Variants in SENP8 observed in about 807,000 individuals in gnomAD.
SENP8 encodes SUMO peptidase family member, NEDD8 specific.
A neutral mutation model predicts 14.4 loss-of-function variants in SENP8; 10 were observed. The ratio of observed to expected loss-of-function variants is 0.69; its 90% confidence interval spans 0.43 to 1.18. SENP8 has a LOEUF of 1.18. Ranked by LOEUF, SENP8 falls within the 50% of genes most tolerant of loss-of-function variation. SENP8 has a pLI of 0.00. For synonymous variants in SENP8, 94 were observed against 95.5 expected (o/e 0.98, Z 0.09); for missense variants, 202 against 249.4 (o/e 0.81, Z 1.28).
At chr15:72,126,831 T>G (rs548446009) in intron 1 of SENP8, among the ~76,000 whole-genome samples, 1 of 152,316 alleles carries the variant, frequency 6.6e-6, no homozygotes, top group South Asian at 2.1e-4. Flanking sequence ...TATTTAAAAT[T>G]TCTAATCTAC....
intron 1 of SENP8, among the ~76,000 whole-genome samples, chr15:72,133,476 A>T (rs1028448529): frequency 1.3e-5 from 2 of 152,224 alleles, no homozygotes; most frequent in Non-Finnish European, 2.9e-5. Context: ...TTCCACATGC[A>T]TCCAGCTCCA....
chr15:72,124,847 T>C (rs577921340), intron 1 of SENP8, among the ~76,000 whole-genome samples: 1 of 152,300 alleles, frequency 6.6e-6, no homozygotes, highest in Admixed American at 6.5e-5. Context: ...ATTAATCCTA[T>C]TTCTTAAAAT....
chr15:72,135,862 T>C (rs374335212), intron 1 of SENP8, among the ~76,000 whole-genome samples: 8 of 152,204 alleles, frequency 5.3e-5, no homozygotes, highest in African/African-American at 1.9e-4. Flanking sequence ...CCTAGTTGGG[T>C]TGGTGTTGAA....
rs748867672 is a variant in SENP8, at chr15:72,140,008, G to T, written c.385G>T (p.Ala129Ser). The T allele has an allele frequency of 2.5e-6, 4 of 1,614,042 alleles. No individual in the cohort carries two copies. The highest frequency in any genetic ancestry group is 1.3e-5 in the African/African-American group (1 of 74,912). ...CCATAGCAGGAGCAACTCAGTTCAC[G>T]CAAAGCAGGTAGCAGAGAAACTGGA... ...DSHSRSNSVH[A>S]KQVAEKLEAF... is the part of the protein sequence containing the mutation. Residue 129 changes from alanine (A) to serine (S), a missense_variant, in exon 2 of 2, where the codon GCA becomes TCA. Physicochemically the swap from Ala to Ser is moderately conservative, Grantham distance 99. Transcript: ENST00000340912.
chr15:72,116,394 G>A (rs1380880443), upstream of SENP8, among the ~76,000 whole-genome samples: 1 of 151,944 alleles, frequency 6.6e-6, no homozygotes, highest in African/African-American at 2.4e-5. Context: ...TTTCTTTCTT[G>A]ACAACTCAGG....
rs546943788 is a variant in SENP8 at position 72,127,933 on chromosome 15, A to T, written c.-48+9469A>T. ...GTGAGACCCTGCCTCTATAAAAAAAAATATTAATTAGCCAGACATGGTGGT... is the reference window on the plus strand; with the variant it reads ...GTGAGACCCTGCCTCTATAAAAAAATATATTAATTAGCCAGACATGGTGGT... On this transcript the variant is annotated intron_variant, in intron 1 of 1. Transcript: ENST00000340912. Among the ~76,000 whole-genome samples the T allele has an allele frequency of 4.6e-5, 7 of 152,294 alleles. No individual in the cohort carries two copies. The East Asian group carries it at 1.2e-3, about 25-fold the overall frequency.
At chr15:72,125,885 G>A (rs1325113188) in intron 1 of SENP8, among the ~76,000 whole-genome samples, 4 of 151,830 alleles carry the variant, frequency 2.6e-5, no homozygotes, top group Admixed American at 1.3e-4. Context: ...GTGCAGTGGG[G>A]TGATCTCGGC....
At chr15:72,117,270 A>T (rs1295092898), upstream of SENP8, 1 of 152,438 alleles carries the variant, frequency 6.6e-6, no homozygotes, top group Non-Finnish European at 1.5e-5. Flanking sequence ...TAAGAAGAGT[A>T]GGGCGAGGGG....
chr15:72,132,331 GA>G (rs2081280918), intron 1 of SENP8, among the ~76,000 whole-genome samples: 1 of 151,806 alleles, frequency 6.6e-6, no homozygotes, highest in Non-Finnish European at 1.5e-5. Flanking sequence ...AACAATAAAG[GA>G]TAACAGGCAA....
chr15:72,126,640 T>C (rs796169414), intron 1 of SENP8, among the ~76,000 whole-genome samples: 14 of 152,092 alleles, frequency 9.2e-5, no homozygotes, highest in African/African-American at 3.1e-4. Context: ...ATAGGAAAAT[T>C]TCCGTCACAA....
intron 1 of SENP8, chr15:72,134,511 T>G (rs1445876579): frequency 6.6e-6 from 1 of 152,572 alleles, no homozygotes; most frequent in East Asian, 1.9e-4. Flanking sequence ...CCTAGGAGTT[T>G]GAGGCTGCTC....
In SENP8 at chr15:72,139,811, A is replaced by C; in HGVS notation, c.188A>C (p.Lys63Thr). 6.2e-7 allele frequency: 1 copy of C among 1,614,204 alleles called. No individual in the cohort carries two copies. Among genetic ancestry groups the C allele is most frequent in the Non-Finnish European group, 8.5e-7 (1 of 1,180,018 alleles). Residue 63 changes from lysine to threonine, a missense_variant, in exon 2 of 2, where the codon AAG becomes ACG. Physicochemically the swap from Lys to Thr is moderately conservative, Grantham distance 78. Coordinates refer to ENST00000340912, the MANE Select transcript of SENP8 (RefSeq NM_145204.4). ...FISPEVTQFIKCTSNPAEIAM... is the reference protein window; with the variant it reads ...FISPEVTQFITCTSNPAEIAM... ...AGCCCTGAAGTCACCCAGTTCATCA[A>C]GTGCACTAGCAACCCAGCAGAGATT... is the stretch of plus-strand genomic sequence containing the variant.
chr15:72,138,655 G>T (rs1257914133), intron 1 of SENP8, among the ~76,000 whole-genome samples: 1 of 151,142 alleles, frequency 6.6e-6, no homozygotes, highest in Non-Finnish European at 1.5e-5. Context: ...CAGCCTAGGT[G>T]TAGGATTTGA....
In SENP8 at chr15:72,140,363, A is replaced by G; in HGVS notation, c.*101A>G. 2 of 803,246 alleles carry G rather than the reference A, an allele frequency of 2.5e-6. No individual in the cohort carries two copies. The highest frequency in any genetic ancestry group is 3.4e-5 in the South Asian group (2 of 58,404). 49.8% of individuals were successfully genotyped at this position (803,246 alleles called of 1,614,324 possible). On this transcript the variant is annotated 3_prime_UTR_variant, in exon 2 of 2. Transcript: ENST00000340912. ...GTGCCTGAGGGAAGATGCCTAGTAG[A>G]GGAAAGCTTAATACTCTTTTTCCTG...
At chr15:72,116,226 C>A (rs556275174), upstream of SENP8, among the ~76,000 whole-genome samples, 4 of 152,270 alleles carry the variant, frequency 2.6e-5, no homozygotes, top group Non-Finnish European at 5.9e-5. Flanking sequence ...AAACTTTTGG[C>A]TTTTACGTCT....
At chr15:72,120,518 A>G (rs180831131) in intron 1 of SENP8, among the ~76,000 whole-genome samples, 1 of 152,328 alleles carries the variant, frequency 6.6e-6, no homozygotes, top group East Asian at 1.9e-4. Context: ...TACTAGAAGT[A>G]ATTAATAAGT....
At chr15:72,137,906 A>C (rs922891795) in intron 1 of SENP8, among the ~76,000 whole-genome samples, 12 of 151,686 alleles carry the variant, frequency 7.9e-5, no homozygotes, top group Non-Finnish European at 1.3e-4. Flanking sequence ...CGGGAAGCGG[A>C]GTTTGCAGTG....
intron 1 of SENP8, among the ~76,000 whole-genome samples, chr15:72,122,589 G>C (rs1321382263): frequency 3.3e-5 from 5 of 152,158 alleles, no homozygotes; most frequent in African/African-American, 1.2e-4. Context: ...GGTTCTCAGA[G>C]AGGCCACCAT....
upstream of SENP8, chr15:72,116,744 A>G (rs1049844951): frequency 2.6e-5 from 4 of 152,358 alleles, no homozygotes; most frequent in Non-Finnish European, 4.4e-5. Context: ...TATATCCACT[A>G]GTGCAACGTG....
Sources: gnomAD v4.1 joint callset for allele counts (sites outside exome capture counted in the v4.1 genomes callset) on GRCh38, gnomAD v4.1.1 for gene constraint, MANE v1.5 for transcripts, NCBI Gene and HGNC (gene_info 2026-07-23, HGNC 2026-07-21) for gene names.